The following PAX5 variants were observed in gnomAD, a reference collection of about 807,000 sequenced individuals.
The protein encoded by PAX5 is paired box 5.
In PAX5, 9 loss-of-function variants were observed where a neutral mutation model predicts 43.7. That is an observed-to-expected ratio of 0.21 (90% confidence interval 0.12 to 0.36). PAX5 has a LOEUF of 0.36. PAX5 is among the 10% of genes least tolerant of loss of function. PAX5 has a pLI of 1.00. For synonymous variants in PAX5, 228 were observed against 214.3 expected, an observed-to-expected ratio of 1.06 and a Z score of -0.56; for missense variants, 383 against 532.7, an observed-to-expected ratio of 0.72 and a Z score of 2.77.
chr9:37,029,950 C>T (rs1458108867), intron 1 of PAX5, among the ~76,000 whole-genome samples: 8 of 152,310 alleles, frequency 5.3e-5, no homozygotes, highest in Non-Finnish European at 1.2e-4. Flanking sequence ...TCTCCAGAGC[C>T]GCTCTCGGGA....
At chr9:36,958,983 C>T (rs1269185081) in intron 6 of PAX5, among the ~76,000 whole-genome samples, 1 of 152,212 alleles carries the variant, frequency 6.6e-6, no homozygotes, top group East Asian at 1.9e-4. Context: ...GCTCCCTGCA[C>T]TAGAGGAGCT....
chr9:36,894,995 C>G (rs528624003), intron 7 of PAX5, among the ~76,000 whole-genome samples: 1 of 152,248 alleles, frequency 6.6e-6, no homozygotes, highest in Non-Finnish European at 1.5e-5. Context: ...GGAACCCCAA[C>G]AGTCCTTCTC....
intron 1 of PAX5, 84 bp downstream of exon 1, chr9:37,033,902 C>G (rs1841262903): frequency 7.8e-7 from 1 of 1,275,930 alleles, no homozygotes; most frequent in African/African-American, 1.5e-5. Flanking sequence ...GCGCCCCCTC[C>G]TCCTCCAGGG....
chr9:36,971,270 C>T (rs1394169760), intron 5 of PAX5, among the ~76,000 whole-genome samples: 1 of 152,266 alleles, frequency 6.6e-6, no homozygotes, highest in Non-Finnish European at 1.5e-5. Context: ...AGGGGACCCT[C>T]TGTCCTGCCT....
chr9:36,850,321 C>T (rs1317978888), intron 8 of PAX5, among the ~76,000 whole-genome samples: 1 of 152,234 alleles, frequency 6.6e-6, no homozygotes, highest in Admixed American at 6.5e-5. Context: ...CAGGGGGCCC[C>T]TCCAGGTGGC....
At position 36,893,466 on chromosome 9, in the gene PAX5, G is replaced by A. The variant is rs1008364367; in HGVS notation, c.911-11361C>T. ...ATGAGTAGCCAAAAGTGGGCACAAA[G>A]CCTGTCCCTAAATCCTTCCTGGCAC... is the stretch of plus-strand genomic sequence containing the variant. On this transcript the variant is annotated intron_variant, in intron 7 of 9. Transcript: ENST00000358127. The A allele has an allele frequency of 2.6e-5, 4 of 152,924 alleles. No individual in the cohort carries two copies. In the East Asian group the frequency reaches 7.7e-4, roughly 29 times the overall value. The allele number at this position is 152,924 out of a possible 1,614,324, so 9.5% of individuals were successfully genotyped here.
chr9:36,847,290 C>T (rs574546282), intron 8 of PAX5, among the ~76,000 whole-genome samples: 1 of 152,282 alleles, frequency 6.6e-6, no homozygotes, highest in South Asian at 2.1e-4. Flanking sequence ...TCTTGATACA[C>T]CTTGCTAAGT....
chr9:36,863,325 A>G (rs1191277295), intron 8 of PAX5, among the ~76,000 whole-genome samples: 2 of 152,196 alleles, frequency 1.3e-5, no homozygotes, highest in African/African-American at 2.4e-5. Context: ...GTGCAGTGGC[A>G]CCAGCATAGC....
chr9:37,016,240 A>G (rs1022501666), intron 2 of PAX5, among the ~76,000 whole-genome samples: 3 of 152,198 alleles, frequency 2.0e-5, no homozygotes, highest in Non-Finnish European at 4.4e-5. Context: ...CCCTAGCACA[A>G]TCTCCAGCAT....
chr9:36,979,674 C>T (rs1835744428), intron 5 of PAX5, among the ~76,000 whole-genome samples: 1 of 152,174 alleles, frequency 6.6e-6, no homozygotes, highest in African/African-American at 2.4e-5. Flanking sequence ...AGTTATCAGG[C>T]CAGGTGAGAC....
At chr9:37,019,998 C>A (rs1241172041) in intron 2 of PAX5, among the ~76,000 whole-genome samples, 1 of 151,436 alleles carries the variant, frequency 6.6e-6, no homozygotes, top group South Asian at 2.1e-4. Context: ...AAAGGCTGCA[C>A]GGTCCTATGG....
intron 7 of PAX5, among the ~76,000 whole-genome samples, chr9:36,889,443 T>C (rs1827180353): frequency 6.6e-6 from 1 of 152,244 alleles, no homozygotes; most frequent in South Asian, 2.1e-4. Context: ...TAAATATAGA[T>C]TCATTTCATC....
intron 6 of PAX5, among the ~76,000 whole-genome samples, chr9:36,956,198 T>C (rs956559697): frequency 1.3e-5 from 2 of 152,224 alleles, no homozygotes; most frequent in African/African-American, 4.8e-5. Flanking sequence ...AGGTGGTCAA[T>C]GTCACTGACA....
In PAX5 at chr9:36,988,821, G is replaced by C. The variant is rs139688865; in HGVS notation, c.604+13827C>G. On this transcript the variant is annotated intron_variant, in intron 5 of 9. Transcript: ENST00000358127. Reference sequence around the variant, plus strand: ...TAAGAAAATAATAGGTGATATTTTTGAAACTTGCCATGTGCCAGTGCTAAT... The same window carrying C: ...TAAGAAAATAATAGGTGATATTTTTCAAACTTGCCATGTGCCAGTGCTAAT... Among the ~76,000 whole-genome samples, 749 of 152,268 alleles carry C rather than the reference G, an allele frequency of 4.9e-3. 4 individuals are homozygous for C. Among genetic ancestry groups the C allele is most frequent in the African/African-American group, 0.017 (703 of 41,550 alleles).
At chr9:37,011,779 T>C (rs1254200011) in intron 3 of PAX5, among the ~76,000 whole-genome samples, 1 of 152,162 alleles carries the variant, frequency 6.6e-6, no homozygotes, top group African/African-American at 2.4e-5. Flanking sequence ...GAGATGCCCC[T>C]GTGGCTATAA....
At chr9:36,923,782 T>C (rs568160495) in intron 6 of PAX5, among the ~76,000 whole-genome samples, 1 of 152,168 alleles carries the variant, frequency 6.6e-6, no homozygotes, top group African/African-American at 2.4e-5. Flanking sequence ...CCAGCTCCAG[T>C]TGGCCAGAGA....
chr9:37,031,301 C>G (rs1310663813), intron 1 of PAX5, among the ~76,000 whole-genome samples: 3 of 152,216 alleles, frequency 2.0e-5, no homozygotes, highest in African/African-American at 7.2e-5. Context: ...GCCTCTGCTT[C>G]CCCGTTTGTT....
chr9:36,975,557 T>G (rs953419994), intron 5 of PAX5, among the ~76,000 whole-genome samples: 1 of 152,130 alleles, frequency 6.6e-6, no homozygotes, highest in African/African-American at 2.4e-5. Flanking sequence ...AGCTAATTTT[T>G]TGCATTTTTA....
chr9:36,908,390 T>C (rs1587937415), intron 7 of PAX5, among the ~76,000 whole-genome samples: 1 of 152,014 alleles, frequency 6.6e-6, no homozygotes, highest in Non-Finnish European at 1.5e-5. Context: ...TCTCCCACAA[T>C]ATTTCTCTTT....
Sources: gnomAD v4.1 joint callset for allele counts (sites outside exome capture counted in the v4.1 genomes callset) on GRCh38, gnomAD v4.1.1 for gene constraint, MANE v1.5 for transcripts, NCBI Gene and HGNC (gene_info 2026-07-23, HGNC 2026-07-21) for gene names.